The following NRCAM variants were observed in gnomAD, a reference collection of about 807,000 sequenced individuals.
The protein encoded by NRCAM is neuronal cell adhesion molecule.
NRCAM carries 83 observed loss-of-function variants against 156.5 expected under a neutral mutation model. That is an observed-to-expected ratio of 0.53 (90% CI 0.44 to 0.64). NRCAM has a LOEUF of 0.64. Among genes scored for constraint, NRCAM ranks in the 30% least tolerant of loss-of-function variants. NRCAM has a pLI of 0.00. For synonymous variants in NRCAM, 538 were observed against 563.9 expected, an observed-to-expected ratio of 0.95 and a Z score of 0.65; for missense variants, 1,417 against 1,597.3, an observed-to-expected ratio of 0.89 and a Z score of 1.92.
intron 1 of NRCAM, among the ~76,000 whole-genome samples, chr7:108,427,003 A>G (rs1460088776): frequency 1.3e-5 from 2 of 152,196 alleles, no homozygotes; most frequent in African/African-American, 4.8e-5. Flanking sequence ...CACTTTATTC[A>G]TCCAATCTAC....
chr7:108,310,832 C>T lies in NRCAM; in HGVS notation c.-107+1833G>A, dbSNP rs138700621. The stretch of plus-strand genomic sequence containing the variant: ...TCTCATAGGACCTGACAACTAAAAG[C>T]TCTCTTGAGCCAATTAACAAAAGGC... On this transcript the variant is annotated intron_variant, in intron 3 of 32. Transcript: ENST00000379028. Among the ~76,000 whole-genome samples, 455 of 152,256 alleles carry T rather than the reference C, an allele frequency of 3.0e-3. 1 individual carries two copies. Among genetic ancestry groups the T allele is most frequent in the Non-Finnish European group, 3.6e-3 (242 of 68,022 alleles).
At chr7:108,410,686 G>A (rs1301888809) in intron 1 of NRCAM, among the ~76,000 whole-genome samples, 3 of 152,176 alleles carry the variant, frequency 2.0e-5, no homozygotes, top group African/African-American at 7.2e-5. Context: ...GGACAAAACA[G>A]GTCACCTCGT....
intron 1 of NRCAM, among the ~76,000 whole-genome samples, chr7:108,420,039 C>CAT (rs111701989): frequency 3.4e-5 from 5 of 146,640 alleles, no homozygotes; most frequent in Non-Finnish European, 7.5e-5. Context: ...TTAGTTCCAT[C>CAT]GTGTGTGTGT....
chr7:108,448,848 A>G (rs1847304964), intron 1 of NRCAM, among the ~76,000 whole-genome samples: 1 of 152,222 alleles, frequency 6.6e-6, no homozygotes, highest in South Asian at 2.1e-4. Flanking sequence ...TGGTTAGACA[A>G]TATTTAGGAC....
chr7:108,231,269 C>T, intron 7 of NRCAM, 116 bp from the exon 8 acceptor site: 1 of 647,538 alleles, frequency 1.5e-6, no homozygotes, highest in Non-Finnish European at 2.5e-6. Flanking sequence ...TTTATGTACA[C>T]TAAATTAATG....
At chr7:108,415,293 GAGA>G (rs1481842280) in intron 1 of NRCAM, among the ~76,000 whole-genome samples, 2 of 152,172 alleles carry the variant, frequency 1.3e-5, no homozygotes, top group African/African-American at 4.8e-5. Context: ...ATGTCTAATG[GAGA>G]AGGAGGTACC....
At chr7:108,347,062 G>A (rs1391742101) in intron 2 of NRCAM, among the ~76,000 whole-genome samples, 2 of 89,894 alleles carry the variant, frequency 2.2e-5, no homozygotes, top group Non-Finnish European at 4.1e-5. Context: ...TTTTGAGACA[G>A]ACTGTTGCTC....
chr7:108,335,737 C>G (rs967195651), intron 2 of NRCAM, among the ~76,000 whole-genome samples: 3 of 152,266 alleles, frequency 2.0e-5, no homozygotes, highest in African/African-American at 2.4e-5. Context: ...TTGCTATAAA[C>G]TGAACAGTGT....
chr7:108,361,320 C>T (rs1241376000), intron 2 of NRCAM, among the ~76,000 whole-genome samples: 1 of 152,114 alleles, frequency 6.6e-6, no homozygotes, highest in Non-Finnish European at 1.5e-5. Context: ...TTTTATATGT[C>T]AGCTTGATTG....
chr7:108,227,373 A>G (rs1478824358), intron 8 of NRCAM, among the ~76,000 whole-genome samples: 3 of 152,206 alleles, frequency 2.0e-5, no homozygotes, highest in African/African-American at 7.2e-5. Flanking sequence ...GTACAATGTG[A>G]TATTTCAATA....
intron 19 of NRCAM, among the ~76,000 whole-genome samples, chr7:108,190,962 A>T (rs1028578291): frequency 1.3e-5 from 2 of 152,212 alleles, no homozygotes; most frequent in Non-Finnish European, 2.9e-5. Context: ...AAAAAGCACT[A>T]TGCTACTTTA....
At chr7:108,429,280 C>T (rs1563768989) in intron 1 of NRCAM, among the ~76,000 whole-genome samples, 2 of 152,152 alleles carry the variant, frequency 1.3e-5, no homozygotes, top group Admixed American at 6.5e-5. Flanking sequence ...CAACCTCTGC[C>T]TCCTGAGTTC....
chr7:108,274,535 CTGTT>C (rs1200361651), intron 3 of NRCAM, among the ~76,000 whole-genome samples: 2 of 152,106 alleles, frequency 1.3e-5, no homozygotes, highest in East Asian at 1.9e-4. Context: ...ATTTGGCTCT[CTGTT>C]TGTCTGTTAT....
At chr7:108,182,069 A>G (rs1309505028) in intron 23 of NRCAM, 132 bp from the exon 24 acceptor site, 1 of 604,098 alleles carries the variant, frequency 1.7e-6, no homozygotes, top group Admixed American at 3.2e-5. Flanking sequence ...AGGCTTGAAC[A>G]CAGATTTTGG....
chr7:108,376,311 G>A (rs1235740684), intron 2 of NRCAM, among the ~76,000 whole-genome samples: 1 of 152,170 alleles, frequency 6.6e-6, no homozygotes, highest in East Asian at 1.9e-4. Context: ...GGCTCCTGCT[G>A]CAAGAGAACA....
intron 11 of NRCAM, among the ~76,000 whole-genome samples, chr7:108,211,372 G>A (rs570357193): frequency 2.6e-5 from 4 of 152,280 alleles, no homozygotes; most frequent in East Asian, 1.9e-4. Context: ...TGAACCAGAC[G>A]AGAAACCTCC....
chr7:108,160,942 C>T (rs2048547634), intron 30 of NRCAM, among the ~76,000 whole-genome samples: 1 of 152,188 alleles, frequency 6.6e-6, no homozygotes, highest in African/African-American at 2.4e-5. Context: ...AGAGGCTAAA[C>T]TGTCCTTGCA....
intron 3 of NRCAM, among the ~76,000 whole-genome samples, chr7:108,248,925 T>C (rs1055798953): frequency 6.6e-6 from 1 of 151,950 alleles, no homozygotes; most frequent in Non-Finnish European, 1.5e-5. Flanking sequence ...AGGATGGCCA[T>C]CTTATTGTTT....
chr7:108,364,068 C>A (rs1376370173), intron 2 of NRCAM, among the ~76,000 whole-genome samples: 1 of 152,064 alleles, frequency 6.6e-6, no homozygotes, highest in African/African-American at 2.4e-5. Context: ...AATATACCAG[C>A]CAAATGCAAG....
Sources: allele counts gnomAD v4.1 joint callset (sites outside exome capture counted in the v4.1 genomes callset), GRCh38; gene constraint gnomAD v4.1.1; transcripts MANE v1.5; gene names NCBI Gene and HGNC (gene_info 2026-07-23, HGNC 2026-07-21).